MARCHF1: variants seen among roughly 807,000 people sequenced by gnomAD.
MARCHF1 encodes membrane associated ring-CH-type finger 1, also known as E3 ubiquitin-protein ligase MARCHF1.
Under a neutral mutation model 54.2 loss-of-function variants are expected in MARCHF1, and 40 were observed. The ratio of observed to expected loss-of-function variants is 0.74; its 90% CI spans 0.57 to 0.96. The LOEUF (loss-of-function observed/expected upper bound fraction) is 0.96, where lower values mean the gene tolerates loss of function less well. MARCHF1 is among the 40% of genes least tolerant of loss of function. The pLI, the probability that MARCHF1 is intolerant of heterozygous loss-of-function variation, is 0.00. For synonymous variants in MARCHF1, 236 were observed against 236.3 expected (o/e 1.00, Z 0.01); for missense variants, 586 against 656.5 (o/e 0.89, Z 1.17).
chr4:164,380,306 T>C lies in MARCHF1; in HGVS notation c.-323+3564A>G, dbSNP rs574494614. Among the ~76,000 whole-genome samples, 3 of 120,392 alleles carry C rather than the reference T, an allele frequency of 2.5e-5. No individual in the cohort carries two copies. In the East Asian group the frequency reaches 6.9e-4, roughly 28 times the overall value. The allele number at this position is 120,392 out of a possible 152,430, so 79.0% of individuals were successfully genotyped here. ...AATTTAAAGTGATTAAGTTCACTAA[T>C]ATATAATATTTGTCACAGTTCCTCC... On this transcript the variant is annotated intron_variant, in intron 1 of 9. Transcript: ENST00000514618.
chr4:163,666,462 T>C (rs774854624), intron 5 of MARCHF1, among the ~76,000 whole-genome samples: 1 of 152,114 alleles, frequency 6.6e-6, no homozygotes, highest in Non-Finnish European at 1.5e-5. Context: ...GTTGCAGCAA[T>C]AGGGATTATT....
rs11930654 is a variant in MARCHF1, at chr4:164,116,035, A to C, written c.-322-4373T>G. On this transcript the variant is annotated intron_variant, in intron 1 of 9. Transcript: ENST00000514618. Reference sequence around the variant, plus strand: ...ATTGATCTTTTTTTGTAAGGTTTAAAATCTAAATAACTTATCTTTACTTCA... The same window carrying C: ...ATTGATCTTTTTTTGTAAGGTTTAACATCTAAATAACTTATCTTTACTTCA... Among the ~76,000 whole-genome samples the C allele has an allele frequency of 8.2e-3, 1,250 of 152,192 alleles. 20 individuals carry two copies. Among genetic ancestry groups the C allele is most frequent in the African/African-American group, 0.028 (1,168 of 41,542 alleles).
intron 3 of MARCHF1, among the ~76,000 whole-genome samples, chr4:163,987,663 G>T (rs1404705946): frequency 6.6e-6 from 1 of 152,212 alleles, no homozygotes; most frequent in African/African-American, 2.4e-5. Flanking sequence ...TTATGTTAAA[G>T]AGACAAGAAG....
chr4:164,206,954 T>C (rs996127602), intron 1 of MARCHF1, among the ~76,000 whole-genome samples: 1 of 152,168 alleles, frequency 6.6e-6, no homozygotes, highest in Non-Finnish European at 1.5e-5. Flanking sequence ...GTATTAATTT[T>C]ATCATTAAAA....
Position 164,290,110 on chromosome 4 carries a change from A to G in MARCHF1, c.-323+93760T>C, listed in dbSNP as rs1050170983. Among the ~76,000 whole-genome samples, 19 of 151,842 alleles carry G rather than the reference A, an allele frequency of 1.3e-4. No homozygotes were observed. In the South Asian group the frequency reaches 2.1e-3, roughly 17 times the overall value. On this transcript the variant is annotated intron_variant, in intron 1 of 9. Transcript: ENST00000514618. ...ATATGTCTCTATAATAGCATTCAAC[A>G]TTGAGTTGTAGTTATTTATCTTCAT...
At chr4:164,074,872 C>T (rs1032735699) in intron 2 of MARCHF1, among the ~76,000 whole-genome samples, 9 of 150,396 alleles carry the variant, frequency 6.0e-5, no homozygotes, top group African/African-American at 2.2e-4. Flanking sequence ...TAAATTTCTT[C>T]TAAAATATAA....
intron 2 of MARCHF1, among the ~76,000 whole-genome samples, chr4:164,091,434 A>ATATATATATATATATATATATATATATAT (rs56887424): frequency 6.8e-6 from 1 of 147,074 alleles, no homozygotes; most frequent in African/African-American, 2.5e-5. Flanking sequence ...ATATATGTAT[A>ATATATATATATATATATATATATATATAT]AAATGAATTG....
intron 1 of MARCHF1, among the ~76,000 whole-genome samples, chr4:164,378,333 G>C (rs1316792996): frequency 6.6e-6 from 1 of 152,250 alleles, no homozygotes; most frequent in Non-Finnish European, 1.5e-5. Context: ...CAAGAGCTCA[G>C]TGAGAAGTAA....
chr4:163,944,468 C>A (rs1254448299), intron 3 of MARCHF1, among the ~76,000 whole-genome samples: 1 of 152,148 alleles, frequency 6.6e-6, no homozygotes, highest in African/African-American at 2.4e-5. Flanking sequence ...GATAAAGGCC[C>A]AGCTGCTTGA....
At chr4:163,742,652 A>T (rs184794627) in intron 4 of MARCHF1, among the ~76,000 whole-genome samples, 2 of 151,162 alleles carry the variant, frequency 1.3e-5, no homozygotes, top group East Asian at 1.9e-4. Context: ...AAATTTTTTT[A>T]TTTTTTGTAG....
intron 4 of MARCHF1, among the ~76,000 whole-genome samples, chr4:163,720,181 A>G (rs184581388): frequency 6.6e-6 from 1 of 152,302 alleles, no homozygotes; most frequent in Non-Finnish European, 1.5e-5. Flanking sequence ...TAAGTCTTTA[A>G]TCCATCTTGA....
chr4:163,538,111 A>T (rs142203495), intron 9 of MARCHF1, among the ~76,000 whole-genome samples: 1 of 152,310 alleles, frequency 6.6e-6, no homozygotes, highest in East Asian at 1.9e-4. Context: ...TTCAGTCCAC[A>T]GTTTGTAGGG....
intron 7 of MARCHF1, among the ~76,000 whole-genome samples, chr4:163,597,631 C>A (rs1487222792): frequency 6.6e-6 from 1 of 152,044 alleles, no homozygotes; most frequent in South Asian, 2.1e-4. Context: ...CTGTAATAAT[C>A]AATAAAAATA....
chr4:163,961,495 AAAT>A (rs1752345884), intron 3 of MARCHF1, among the ~76,000 whole-genome samples: 1 of 151,918 alleles, frequency 6.6e-6, no homozygotes, highest in African/African-American at 2.4e-5. Flanking sequence ...TGGAAGCAAA[AAAT>A]AATAAAGAAG....
chr4:163,576,345 G>C (rs980273653), intron 8 of MARCHF1, among the ~76,000 whole-genome samples: 4 of 151,990 alleles, frequency 2.6e-5, no homozygotes, highest in African/African-American at 4.8e-5. Context: ...TAATTGTTTG[G>C]TTTTGAGAAA....
At chr4:163,923,943 C>T (rs12510235) in intron 3 of MARCHF1, among the ~76,000 whole-genome samples, 115,832 of 151,672 alleles carry the variant, frequency 0.76, 44,320 homozygotes, top group East Asian at 0.9. Context: ...AATCATATTG[C>T]TTATGGTTTT....
chr4:164,295,413 G>A (rs1474777946), intron 1 of MARCHF1, among the ~76,000 whole-genome samples: 1 of 149,806 alleles, frequency 6.7e-6, no homozygotes, highest in Non-Finnish European at 1.5e-5. Flanking sequence ...GGGGTGATGT[G>A]TTCTGAACTT....
At chr4:164,240,620 C>T (rs930627138) in intron 1 of MARCHF1, among the ~76,000 whole-genome samples, 1 of 152,086 alleles carries the variant, frequency 6.6e-6, no homozygotes, top group Non-Finnish European at 1.5e-5. Context: ...CCAACTGAAA[C>T]TGCCTTTGCA....
At chr4:164,229,055 T>C (rs1180773694) in intron 1 of MARCHF1, among the ~76,000 whole-genome samples, 2 of 152,188 alleles carry the variant, frequency 1.3e-5, no homozygotes, top group Non-Finnish European at 2.9e-5. Context: ...GATATGACTT[T>C]GTGCTCAAAA....
Sources: gnomAD v4.1 joint callset for allele counts (sites outside exome capture counted in the v4.1 genomes callset) on GRCh38, gnomAD v4.1.1 for gene constraint, MANE v1.5 for transcripts, NCBI Gene and HGNC (gene_info 2026-07-23, HGNC 2026-07-21) for gene names.